CALN1: variants seen among roughly 807,000 people sequenced by gnomAD.
CALN1 encodes calcium-binding protein 8.
A neutral mutation model predicts 30.6 loss-of-function variants in CALN1; 17 were observed. That is an observed-to-expected ratio of 0.56 (90% CI 0.38 to 0.83). The LOEUF (loss-of-function observed/expected upper bound fraction) is 0.83. Among genes scored for constraint, CALN1 ranks in the 40% least tolerant of loss-of-function variants. The probability of loss-of-function intolerance (pLI) is 0.00; values close to 1 mark genes in which losing one functional copy is unlikely to be tolerated. For synonymous variants in CALN1, 156 were observed against 131.4 expected (o/e 1.19, Z -1.28); for missense variants, 291 against 354.9 (o/e 0.82, Z 1.45).
intron 3 of CALN1, among the ~76,000 whole-genome samples, chr7:72,143,914 C>T (rs559218790): frequency 9.3e-5 from 14 of 150,422 alleles, no homozygotes; most frequent in Non-Finnish European, 1.8e-4. Context: ...ACTTTACAGA[C>T]AAGCAAATGC....
rs545279569 is a variant in CALN1, at chr7:72,221,854, A to T, written c.244+56832T>A. Among the ~76,000 whole-genome samples, 6 of 151,738 alleles carry T rather than the reference A, an allele frequency of 4.0e-5. No individual in the cohort carries two copies. The South Asian group carries it at 1.3e-3, about 32-fold the overall frequency. ...CAGTGAGCTGAGATCGTGCCACTGC[A>T]CTCCAGCCTGGGTGACAGAGAGAGA... On this transcript the variant is annotated intron_variant, in intron 3 of 6. Coordinates refer to ENST00000395275, the MANE Select transcript of CALN1 (RefSeq NM_031468.4).
intron 3 of CALN1, among the ~76,000 whole-genome samples, chr7:72,266,414 A>G (rs1005535910): frequency 1.3e-5 from 2 of 152,350 alleles, no homozygotes; most frequent in East Asian, 1.9e-4. Context: ...TTCTTCCAAT[A>G]GACACTTTAA....
At chr7:72,332,249 A>C (rs982167719) in intron 2 of CALN1, among the ~76,000 whole-genome samples, 4 of 152,144 alleles carry the variant, frequency 2.6e-5, no homozygotes, top group Non-Finnish European at 5.9e-5. Context: ...AGCACCCCAG[A>C]AGCAGTGCTG....
chr7:72,008,491 GAAGC>G (rs1744690519), intron 5 of CALN1, among the ~76,000 whole-genome samples: 1 of 151,786 alleles, frequency 6.6e-6, no homozygotes, highest in Non-Finnish European at 1.5e-5. Flanking sequence ...ATCAGAACAA[GAAGC>G]AAGAGAAGGG....
intron 3 of CALN1, among the ~76,000 whole-genome samples, chr7:72,237,637 G>C (rs879015828): frequency 6.6e-6 from 1 of 152,294 alleles, no homozygotes; most frequent in Admixed American, 6.5e-5. Flanking sequence ...TCTTGGGGCT[G>C]AGTTCTGGGA....
At chr7:72,189,485 G>T (rs1790449792) in intron 3 of CALN1, among the ~76,000 whole-genome samples, 1 of 152,192 alleles carries the variant, frequency 6.6e-6, no homozygotes, top group South Asian at 2.1e-4. Context: ...GGCTGGGCAT[G>T]GTGGCTCACG....
intron 2 of CALN1, among the ~76,000 whole-genome samples, chr7:72,310,926 A>T (rs964647621): frequency 4.0e-5 from 6 of 150,954 alleles, no homozygotes; most frequent in African/African-American, 1.2e-4. Context: ...AAAAAAAAAA[A>T]AACAAAAATA....
the CALN1 span, among the ~76,000 whole-genome samples, chr7:72,475,468 A>G: frequency 6.6e-6 from 1 of 152,172 alleles, no homozygotes; most frequent in African/African-American, 2.4e-5. Flanking sequence ...CAAAAAAAAG[A>G]AAGTGAAGTT....
At chr7:72,081,775 G>C (rs555162821) in intron 4 of CALN1, among the ~76,000 whole-genome samples, 1 of 152,056 alleles carries the variant, frequency 6.6e-6, no homozygotes, top group African/African-American at 2.4e-5. Flanking sequence ...CATCCAGATG[G>C]CTTCTTAATT....
chr7:72,271,564 TAAAA>T lies in CALN1; in HGVS notation c.244+7118_244+7121del, dbSNP rs1305576740. On this transcript the variant is annotated intron_variant, in intron 3 of 6. Transcript: ENST00000395275. ...AGCATGAACCACTGTGCCTGCCTTT[TAAAA>T]AAAAAAAATATATATATATATATAT... Among the ~76,000 whole-genome samples, 12 of 64,594 alleles carry T rather than the reference TAAAA, an allele frequency of 1.9e-4. 1 individual carries two copies. The highest frequency in any genetic ancestry group is 1.3e-3 in the African/African-American group (12 of 9,098). 42.4% of individuals were successfully genotyped at this position (64,594 alleles called of 152,430 possible).
chr7:72,327,709 A>G (rs886825482), intron 2 of CALN1, among the ~76,000 whole-genome samples: 5 of 152,236 alleles, frequency 3.3e-5, no homozygotes, highest in African/African-American at 9.6e-5. Flanking sequence ...TGGGAAAGCA[A>G]TAATGTTTAA....
chr7:72,328,306 T>C (rs549281994), intron 2 of CALN1, among the ~76,000 whole-genome samples: 1 of 152,220 alleles, frequency 6.6e-6, no homozygotes, highest in East Asian at 1.9e-4. Flanking sequence ...GGGGGTGGTT[T>C]CCCCCATACT....
At chr7:72,399,304 C>T (rs192427137) in intron 2 of CALN1, among the ~76,000 whole-genome samples, 224 of 124,048 alleles carry the variant, frequency 1.8e-3, no homozygotes, top group African/African-American at 6.8e-3. Context: ...TGGAGTCTCA[C>T]TCTGTCACCA....
chr7:72,377,817 T>TC (rs1484927257), intron 2 of CALN1, among the ~76,000 whole-genome samples: 1 of 152,140 alleles, frequency 6.6e-6, no homozygotes, highest in African/African-American at 2.4e-5. Context: ...GACATAGTCT[T>TC]CACTTTCTAC....
chr7:72,127,106 A>G (rs1808822498), intron 3 of CALN1, among the ~76,000 whole-genome samples: 1 of 151,852 alleles, frequency 6.6e-6, no homozygotes. Context: ...TCCATCCAGC[A>G]GATTGCTGGA....
chr7:72,131,889 T>C (rs1809173526), intron 3 of CALN1, among the ~76,000 whole-genome samples: 1 of 151,910 alleles, frequency 6.6e-6, no homozygotes, highest in South Asian at 2.1e-4. Flanking sequence ...CTCTAAGGAG[T>C]CTTTCCACTC....
chr7:72,189,787 AT>A (rs1203703482), intron 3 of CALN1, among the ~76,000 whole-genome samples: 2 of 148,508 alleles, frequency 1.3e-5, no homozygotes, highest in South Asian at 2.2e-4. Flanking sequence ...AAAAAAAAAA[AT>A]TTACTATGTA....
chr7:72,412,787 C>T (rs1266144599), upstream of CALN1, among the ~76,000 whole-genome samples: 1 of 152,254 alleles, frequency 6.6e-6, no homozygotes, highest in Admixed American at 6.5e-5. Flanking sequence ...TTTCTAGAAG[C>T]AGTCAAGCCA....
chr7:71,871,670 G>A (rs946808628), intron 5 of CALN1, among the ~76,000 whole-genome samples: 9 of 152,012 alleles, frequency 5.9e-5, no homozygotes, highest in African/African-American at 2.2e-4. Flanking sequence ...TCAGGACATC[G>A]CACCTTCTGT....
Sources: allele counts gnomAD v4.1 joint callset (sites outside exome capture counted in the v4.1 genomes callset), GRCh38; gene constraint gnomAD v4.1.1; transcripts MANE v1.5; gene names NCBI Gene and HGNC (gene_info 2026-07-23, HGNC 2026-07-21).